The following SEC16A variants were observed in gnomAD, a reference collection of about 807,000 sequenced individuals.
SEC16A encodes the protein protein transport protein Sec16A.
SEC16A carries 110 observed loss-of-function variants against 221.9 expected under a neutral mutation model. The ratio of observed to expected loss-of-function variants is 0.50; its 90% CI spans 0.42 to 0.58. The LOEUF (loss-of-function observed/expected upper bound fraction) is 0.58, where lower values mean the gene tolerates loss of function less well. SEC16A is among the 20% of genes least tolerant of loss of function. The probability of loss-of-function intolerance (pLI) is 0.00; values close to 1 mark genes in which losing one functional copy is unlikely to be tolerated. For synonymous variants in SEC16A, 1,393 were observed against 1,257.7 expected, an observed-to-expected ratio of 1.11 and a Z score of -2.28; for missense variants, 3,165 against 3,097.8, an observed-to-expected ratio of 1.02 and a Z score of -0.52.
Position 136,447,774 on chromosome 9 carries a change from C to A in SEC16A, c.6447+79G>T. 1.3e-6 allele frequency: 2 copies of A among 1,549,824 alleles called. No individual in the cohort carries two copies. Among genetic ancestry groups the A allele is most frequent in the Middle Eastern group, 1.7e-4 (1 of 5,928 alleles). On this transcript the variant is annotated intron_variant, in intron 25 of 31. Coordinates refer to ENST00000684901, the MANE Select transcript of SEC16A (RefSeq NM_014866.2). The surrounding 1 kb of genome is among the most constrained non-coding windows in gnomAD (Gnocchi z 5.5). ...GAGGCTCCAAAAGGGGCAACAGCCA[C>A]CCAAATATCACAGGGCCACATGAGG...
At chr9:136,446,475 TACTTA>T (rs1202175377) in intron 28 of SEC16A, among the ~76,000 whole-genome samples, 1 of 151,908 alleles carries the variant, frequency 6.6e-6, no homozygotes, top group Non-Finnish European at 1.5e-5. Context: ...GATGAAAATA[TACTTA>T]ACTTTTATTA....
Position 136,474,744 on chromosome 9 carries a change from G to C in SEC16A, c.2872C>G (p.Pro958Ala). Residue 958 changes from proline to alanine, a missense_variant, in exon 3 of 32, where the codon CCT becomes GCT. Transcript: ENST00000684901. The part of the protein sequence containing the change: ...GSALPGFANS[P>A]AGSTSVVLVP... ...AACACCACACTTGTGCTTCCAGCAGGGCTATTAGCAAATCCGGGAAGAGCA... is the reference window on the plus strand; with the variant it reads ...AACACCACACTTGTGCTTCCAGCAGCGCTATTAGCAAATCCGGGAAGAGCA... 1 of 1,613,888 alleles carries C rather than the reference G, an allele frequency of 6.2e-7. No individual in the cohort carries two copies. The highest frequency in any genetic ancestry group is 8.5e-7 in the Non-Finnish European group (1 of 1,179,894).
rs1836560376 is a variant in SEC16A, at chr9:136,443,869, G to A, written c.6959C>T (p.Pro2320Leu). The change falls in exon 31 of 32, where the codon CCT (proline) becomes CTT (leucine). Residue 2320 changes from proline (P) to leucine (L), a missense_variant. Pro to Leu is a moderately conservative substitution (Grantham distance 98, BLOSUM62 -3). Transcript: ENST00000684901. The stretch of plus-strand genomic sequence containing the variant: ...GTAGAAGGGCATGGCCCCGCTGGGA[G>A]GGCCCCCTGCAGCAGGGAGGTCGCC... ...APGDLPAAGGPPSGAMPFYNP... is the reference protein window; with the variant it reads ...APGDLPAAGGLPSGAMPFYNP... 1 of 1,611,618 alleles carries A rather than the reference G, an allele frequency of 6.2e-7. No homozygotes were observed. The highest frequency in any genetic ancestry group is 1.1e-5 in the South Asian group (1 of 90,736).
chr9:136,471,304 CA>C (rs11346549), intron 4 of SEC16A, among the ~76,000 whole-genome samples: 57,250 of 146,748 alleles, frequency 0.39, 11,268 homozygotes, highest in Admixed American at 0.5. Context: ...CTCGTCTCTA[CA>C]AAAAAAAAAA....
intron 28 of SEC16A, among the ~76,000 whole-genome samples, chr9:136,446,106 T>G (rs1174818762): frequency 6.8e-6 from 1 of 147,172 alleles, no homozygotes; most frequent in East Asian, 2.0e-4. Flanking sequence ...CTGAGCTGGT[T>G]TTTTTTTTTT....
At position 136,466,850 on chromosome 9, in the gene SEC16A, A is replaced by G; in HGVS notation, c.3929+107T>C. On this transcript the variant is annotated intron_variant, in intron 6 of 31. Coordinates refer to ENST00000684901, the MANE Select transcript of SEC16A (RefSeq NM_014866.2). This position sits in a 1 kb window ranked among gnomAD's most constrained non-coding sequence, Gnocchi z 5.5. The stretch of plus-strand genomic sequence containing the variant: ...GGACCAAAACATCAGGCAGATGCTC[A>G]CCCAAACTACCACAGCTCTTTGTTA... 1 of 1,363,814 alleles carries G rather than the reference A, an allele frequency of 7.3e-7. No individual in the cohort carries two copies. The highest frequency in any genetic ancestry group is 9.8e-7 in the Non-Finnish European group (1 of 1,016,312). The allele number at this position is 1,363,814 out of a possible 1,614,324, so 84.5% of individuals were successfully genotyped here.
intron 8 of SEC16A, among the ~76,000 whole-genome samples, chr9:136,465,673 T>C (rs1054969561): frequency 6.6e-6 from 1 of 152,184 alleles, no homozygotes; most frequent in African/African-American, 2.4e-5. Context: ...GCGATGGGGA[T>C]GTGATCAGGG....
At position 136,447,451 on chromosome 9, in the gene SEC16A, A is replaced by G; in HGVS notation, c.6560-87T>C. On this transcript the variant is annotated intron_variant, in intron 26 of 31. Transcript: ENST00000684901. The surrounding 1 kb of genome is among the most constrained non-coding windows in gnomAD (Gnocchi z 5.5). ...CTCTGCGCTCACTGCGTCAGAGGAA[A>G]AGCACGCAGGGACGTGCGGGAAGCC... The G allele has an allele frequency of 1.9e-6, 3 of 1,568,996 alleles. No homozygotes were observed. Among genetic ancestry groups the G allele is most frequent in the Non-Finnish European group, 2.6e-6 (3 of 1,154,388 alleles).
chr9:136,448,064 G>A lies in SEC16A; in HGVS notation c.6390+20C>T, dbSNP rs747702532. The A allele has an allele frequency of 8.1e-6, 13 of 1,601,548 alleles. No homozygotes were observed. The African/African-American group carries it at 1.6e-4, about 20-fold the overall frequency. ...CATTACAATTCTTCGGACGTCCCGT[G>A]CGTATTTGACAGCACTCACCGATTT... On this transcript the variant is annotated intron_variant, in intron 24 of 31. Coordinates refer to ENST00000684901, the MANE Select transcript of SEC16A (RefSeq NM_014866.2).
chr9:136,442,341 G>A (rs985196978), intron 31 of SEC16A, among the ~76,000 whole-genome samples: 9 of 152,272 alleles, frequency 5.9e-5, no homozygotes, highest in Non-Finnish European at 1.0e-4. Context: ...TGAAAAGCAG[G>A]TGACAGCCAG....
chr9:136,484,449 A>T, upstream of SEC16A: 3 of 1,204,468 alleles, frequency 2.5e-6, no homozygotes, highest in South Asian at 3.1e-5. Flanking sequence ...GCGGCCAGCC[A>T]TGCCGGGCCC....
At chr9:136,444,292 G>A (rs1403223419) in intron 30 of SEC16A, among the ~76,000 whole-genome samples, 1 of 152,192 alleles carries the variant, frequency 6.6e-6, no homozygotes, top group Non-Finnish European at 1.5e-5. Flanking sequence ...AGCCACGGCT[G>A]CAGCTGGTGC....
At chr9:136,463,377 G>T in intron 11 of SEC16A, 86 bp downstream of exon 11, 1 of 1,536,856 alleles carries the variant, frequency 6.5e-7, no homozygotes. Context: ...CGCGGATCCC[G>T]CCCTGCTCCT....
In SEC16A at chr9:136,475,264, G is replaced by C. The variant is rs546914274; in HGVS notation, c.2352C>G (p.Gly784=). The C allele has an allele frequency of 3.6e-5, 58 of 1,613,560 alleles. 1 individual carries two copies. The South Asian group carries it at 5.5e-4, about 15-fold the overall frequency. The stretch of plus-strand genomic sequence containing the variant: ...TCTCAAGGTTCTCAGAAGCACCAAT[G>C]CCACCTCGGCTCTGCACCGGGGCCG... ...SSAAPVQSRG[G]IGASENLENP... is the part of the protein sequence containing the mutation. Residue 784 remains glycine (G), a synonymous_variant, in exon 3 of 32, where the codon GGC becomes GGG. Coordinates refer to ENST00000684901, the MANE Select transcript of SEC16A (RefSeq NM_014866.2). The surrounding 1 kb of genome is among the most constrained non-coding windows in gnomAD (Gnocchi z 5.0).
intron 4 of SEC16A, among the ~76,000 whole-genome samples, chr9:136,469,462 A>G (rs1840581023): frequency 1.3e-5 from 2 of 152,218 alleles, no homozygotes; most frequent in African/African-American, 2.4e-5. Flanking sequence ...GATTCTTGAA[A>G]GGCCAGCCTG....
At chr9:136,452,927 C>T (rs1466994428) in intron 22 of SEC16A, among the ~76,000 whole-genome samples, 26 of 151,374 alleles carry the variant, frequency 1.7e-4, no homozygotes, top group Non-Finnish European at 3.4e-4. Flanking sequence ...AAAAACTAGC[C>T]GGGCATGGTG....
At chr9:136,460,284 A>C (rs948441688) in intron 13 of SEC16A, among the ~76,000 whole-genome samples, 161 bp from the exon 14 acceptor site, 2 of 152,044 alleles carry the variant, frequency 1.3e-5, no homozygotes, top group Non-Finnish European at 2.9e-5. Flanking sequence ...GAGAAACCCC[A>C]TCTCTACTAA....
rs574750198 is a variant in SEC16A at position 136,468,406 on chromosome 9, T to C, written c.3802+9A>G. The C allele has an allele frequency of 1.0e-4, 161 of 1,586,916 alleles. 3 individuals are homozygous for C. In the South Asian group the frequency reaches 1.7e-3, roughly 17 times the overall value. On this transcript the variant is annotated intron_variant, in intron 5 of 31. Coordinates refer to ENST00000684901, the MANE Select transcript of SEC16A (RefSeq NM_014866.2). Reference sequence around the variant, plus strand: ...GCTAAGGCCAGCTGCTTGGAGTTCCTTGACATACCTCCATAATCGTACTGG... The same window carrying C: ...GCTAAGGCCAGCTGCTTGGAGTTCCCTGACATACCTCCATAATCGTACTGG...
chr9:136,471,570 C>T (rs942386433), intron 4 of SEC16A, among the ~76,000 whole-genome samples: 2 of 152,204 alleles, frequency 1.3e-5, no homozygotes, highest in Admixed American at 1.3e-4. Flanking sequence ...GTGACCAGTC[C>T]TCCCAGGCCT....
Sources: gnomAD v4.1 joint callset for allele counts (sites outside exome capture counted in the v4.1 genomes callset) on GRCh38, gnomAD v4.1.1 for gene constraint, Gnocchi (gnomAD v3.1) non-coding constraint, MANE v1.5 for transcripts, NCBI Gene and HGNC (gene_info 2026-07-23, HGNC 2026-07-21) for gene names.